Variants in PTMA observed in about 807,000 individuals in gnomAD.
The protein encoded by PTMA is prothymosin alpha.
PTMA carries 4 observed loss-of-function variants against 16.9 expected under a neutral mutation model. That is an observed-to-expected ratio of 0.24 (90% CI 0.12 to 0.54). PTMA has a LOEUF of 0.54. Ranked by LOEUF, PTMA falls within the 20% of genes least tolerant of loss-of-function variation. The pLI, the probability that PTMA is intolerant of heterozygous loss-of-function variation, is 0.95. For missense variants in PTMA, 120 were observed against 137.7 expected, an observed-to-expected ratio of 0.87 and a Z score of 0.64; for synonymous variants, 58 against 47.9, an observed-to-expected ratio of 1.21 and a Z score of -0.87.
chr2:231,710,653 C>A (rs761294806), intron 1 of PTMA: 7 of 442,830 alleles, frequency 1.6e-5, no homozygotes, highest in South Asian at 1.1e-4. Context: ...CCTTTTGGAT[C>A]CCGGGCGGAG....
chr2:231,711,726 G>C (rs540162236), intron 2 of PTMA, 164 bp from the exon 3 acceptor site: 7 of 1,299,908 alleles, frequency 5.4e-6, no homozygotes, highest in Non-Finnish European at 7.3e-6. Context: ...TTTCATGATG[G>C]AGCCTGGAGG....
In PTMA at chr2:231,708,640, T is replaced by A; in HGVS notation, c.-67T>A. The A allele has an allele frequency of 6.3e-7, 1 of 1,585,220 alleles. No homozygotes were observed. Among genetic ancestry groups the A allele is most frequent in the Non-Finnish European group, 8.6e-7 (1 of 1,168,538 alleles). On this transcript the variant is annotated 5_prime_UTR_variant, in exon 1 of 5. Coordinates refer to ENST00000409115, the MANE Select transcript of PTMA (RefSeq NM_002823.5). ...GCCGCCGCGGACTCCGGCAGCTTTA[T>A]CGCCAGAGTCCCTGAACTCTCGCTT...
chr2:231,711,635 C>T (rs1394573313), intron 2 of PTMA: 21 of 737,382 alleles, frequency 2.8e-5, no homozygotes, highest in Non-Finnish European at 3.9e-5. Context: ...AGAATAGGTT[C>T]AGAGGAGACT....
chr2:231,710,526 C>A, intron 1 of PTMA: 1 of 806,610 alleles, frequency 1.2e-6, no homozygotes, highest in Non-Finnish European at 1.8e-6. Context: ...ACAGGTGGCC[C>A]GGAGCCGCTC....
chr2:231,708,897 G>A (rs1559281397), intron 1 of PTMA, 146 bp downstream of exon 1: 2 of 1,028,466 alleles, frequency 1.9e-6, no homozygotes, highest in African/African-American at 1.6e-5. Flanking sequence ...CCCTCAGGCA[G>A]CCCACTCTTT....
chr2:231,711,202 G>T, intron 1 of PTMA, 146 bp from the exon 2 acceptor site: 1 of 653,918 alleles, frequency 1.5e-6, no homozygotes, highest in Non-Finnish European at 2.7e-6. Context: ...GAGAGGGACC[G>T]CAGGGGCATC....
At chr2:231,711,287 T>C in intron 1 of PTMA, 61 bp from the exon 2 acceptor site, 1 of 1,437,064 alleles carries the variant, frequency 7.0e-7, no homozygotes. Flanking sequence ...CTCAGCGCCT[T>C]TGCTTACCCT....
intron 1 of PTMA, 42 bp from the exon 2 acceptor site, chr2:231,711,306 C>T: frequency 6.4e-7 from 1 of 1,564,660 alleles, no homozygotes; most frequent in Non-Finnish European, 8.8e-7. Context: ...CTGGGTTGCT[C>T]AGAAGACTTA....
chr2:231,709,078 G>A (rs1436578131), intron 1 of PTMA, among the ~76,000 whole-genome samples: 2 of 152,192 alleles, frequency 1.3e-5, no homozygotes, highest in Non-Finnish European at 1.5e-5. Flanking sequence ...GCCTGGCTGG[G>A]GGTCGTCGGC....
intron 1 of PTMA, chr2:231,710,041 C>G (rs532325629): frequency 1.6e-6 from 2 of 1,218,170 alleles, no homozygotes; most frequent in Non-Finnish European, 1.0e-6. Flanking sequence ...CCTGGCTGTT[C>G]GATTTTCTCC....
rs1427131079 is a variant in PTMA, at chr2:231,711,331, C to T, written c.46-17C>T. On this transcript the variant is annotated splice_polypyrimidine_tract_variant and intron_variant, in intron 1 of 4. Coordinates refer to ENST00000409115, the MANE Select transcript of PTMA (RefSeq NM_002823.5). ...CAGAAGACTTACTGGTTACTGGTTC[C>T]TTCTTCCCTTTTGAAGGACTTAAAG... The T allele has an allele frequency of 8.7e-6, 14 of 1,611,468 alleles. No individual in the cohort carries two copies. The highest frequency in any genetic ancestry group is 2.2e-5 in the South Asian group (2 of 91,046).
chr2:231,710,232 C>A, intron 1 of PTMA: 1 of 1,338,906 alleles, frequency 7.5e-7, no homozygotes, highest in Non-Finnish European at 9.7e-7. Flanking sequence ...GAGTCGAGAG[C>A]CCGGCCGACC....
intron 1 of PTMA, among the ~76,000 whole-genome samples, chr2:231,710,953 TC>T (rs1445064681): frequency 6.6e-5 from 10 of 152,248 alleles, no homozygotes; most frequent in African/African-American, 2.4e-4. Context: ...CTGCCGCCTT[TC>T]TAGACGGCTC....
chr2:231,713,272 A>G lies in PTMA; in HGVS notation c.*421A>G, dbSNP rs746745843. ...TGTTCATTATAATCTCAAAGGAGAAAAAAAACCTTGTAAAAAAAGCAAAAA... is the reference window on the plus strand; with the variant it reads ...TGTTCATTATAATCTCAAAGGAGAAGAAAAACCTTGTAAAAAAAGCAAAAA... On this transcript the variant is annotated 3_prime_UTR_variant, in exon 5 of 5. Transcript: ENST00000409115. 8.1e-6 allele frequency: 4 copies of G among 491,352 alleles called. No homozygotes were observed. Among genetic ancestry groups the G allele is most frequent in the Non-Finnish European group, 1.6e-5 (4 of 245,594 alleles). The allele number at this position is 491,352 out of a possible 1,614,324, so 30.4% of individuals were successfully genotyped here. A position where few individuals can be genotyped will look rare whatever the true frequency, so the allele number is the denominator to read the frequency against.
rs1163770015 is a variant in PTMA, at chr2:231,713,451, G to T, written c.*600G>T. Reference sequence around the variant, plus strand: ...TTCCTTTTTTGTCTATGAAGTTGCTGTTTATTTTTTTTGGCCTGTTTGATG... The same window carrying T: ...TTCCTTTTTTGTCTATGAAGTTGCTTTTTATTTTTTTTGGCCTGTTTGATG... On this transcript the variant is annotated 3_prime_UTR_variant, in exon 5 of 5. Transcript: ENST00000409115. The T allele has an allele frequency of 2.0e-6, 1 of 494,344 alleles. No homozygotes were observed. The highest frequency in any genetic ancestry group is 4.1e-6 in the Non-Finnish European group (1 of 246,336). 30.6% of individuals were successfully genotyped at this position (494,344 alleles called of 1,614,324 possible). A position where few individuals can be genotyped will look rare whatever the true frequency, so the allele number is the denominator to read the frequency against.
In PTMA at chr2:231,711,864, G is replaced by T; in HGVS notation, c.118-26G>T. On this transcript the variant is annotated intron_variant, in intron 2 of 4. Transcript: ENST00000409115. ...GTCCAGCCTGGGGCCAGCTGGTAAT[G>T]ACATGGCCTGTTTTCTGTCGAGGAG... 3 of 1,611,758 alleles carry T rather than the reference G, an allele frequency of 1.9e-6. No homozygotes were observed. In the South Asian group the frequency reaches 3.3e-5, roughly 18 times the overall value.
chr2:231,711,222 T>C, intron 1 of PTMA, 126 bp from the exon 2 acceptor site: 1 of 771,096 alleles, frequency 1.3e-6, no homozygotes. Context: ...CAGGCCTTTC[T>C]CAACATGCGA....
intron 4 of PTMA, 142 bp downstream of exon 4, chr2:231,712,658 G>C: frequency 7.6e-7 from 1 of 1,314,312 alleles, no homozygotes; most frequent in Non-Finnish European, 1.1e-6. Flanking sequence ...GAACAGGAAG[G>C]AAACAGGGCT....
intron 1 of PTMA, among the ~76,000 whole-genome samples, chr2:231,709,151 G>A (rs2048482277): frequency 6.6e-6 from 1 of 152,142 alleles, no homozygotes; most frequent in Non-Finnish European, 1.5e-5. Flanking sequence ...GTGCTGGGGG[G>A]CGCGTGTTGG....
Sources: allele counts gnomAD v4.1 joint callset (sites outside exome capture counted in the v4.1 genomes callset), GRCh38; gene constraint gnomAD v4.1.1; transcripts MANE v1.5; gene names NCBI Gene and HGNC (gene_info 2026-07-23, HGNC 2026-07-21).